Variants in SPIDR observed in about 807,000 individuals in gnomAD.
SPIDR encodes the protein scaffold protein involved in DNA repair, also known as DNA repair-scaffolding protein.
SPIDR carries 93 observed loss-of-function variants against 104.6 expected under a neutral mutation model. That is an observed-to-expected ratio of 0.89 (90% confidence interval 0.75 to 1.06). SPIDR has a LOEUF of 1.06. Ranked by LOEUF, SPIDR falls within the 50% of genes least tolerant of loss-of-function variation. The pLI is 0.00. For synonymous variants in SPIDR, 431 were observed against 416.9 expected, an observed-to-expected ratio of 1.03 and a Z score of -0.41; for missense variants, 1,154 against 1,111.2, an observed-to-expected ratio of 1.04 and a Z score of -0.55.
intron 5 of SPIDR, among the ~76,000 whole-genome samples, chr8:47,383,732 C>T: frequency 6.6e-6 from 1 of 152,188 alleles, no homozygotes; most frequent in South Asian, 2.1e-4. Flanking sequence ...TATACATCCA[C>T]CTGCAGGCAC....
intron 7 of SPIDR, among the ~76,000 whole-genome samples, chr8:47,425,973 G>A (rs2066342518): frequency 1.3e-5 from 2 of 151,992 alleles, no homozygotes; most frequent in Non-Finnish European, 1.5e-5. Context: ...GGCTGGGCAC[G>A]GTGACTCACG....
At chr8:47,348,661 C>T (rs145645901) in intron 5 of SPIDR, among the ~76,000 whole-genome samples, 1 of 152,126 alleles carries the variant, frequency 6.6e-6, no homozygotes, top group Non-Finnish European at 1.5e-5. Flanking sequence ...TTTCTTTTTA[C>T]TCTTTTTTCT....
At chr8:47,483,128 GTTTT>G (rs1351701761) in intron 8 of SPIDR, among the ~76,000 whole-genome samples, 1 of 142,944 alleles carries the variant, frequency 7.0e-6, no homozygotes, top group Non-Finnish European at 1.5e-5. Flanking sequence ...TAGCTACTTG[GTTTT>G]TTTTTGTTTG....
chr8:47,557,946 C>T (rs1399003714), intron 8 of SPIDR, among the ~76,000 whole-genome samples: 2 of 152,116 alleles, frequency 1.3e-5, no homozygotes, highest in East Asian at 1.9e-4. Context: ...AAATGTGGTA[C>T]ATACACACCA....
chr8:47,449,307 A>G (rs1394196345), intron 8 of SPIDR, among the ~76,000 whole-genome samples: 1 of 152,178 alleles, frequency 6.6e-6, no homozygotes, highest in Non-Finnish European at 1.5e-5. Flanking sequence ...GGCCCAGTCA[A>G]TGGTAGTTTT....
chr8:47,399,748 A>G (rs2061638438), intron 6 of SPIDR, among the ~76,000 whole-genome samples: 1 of 152,186 alleles, frequency 6.6e-6, no homozygotes, highest in South Asian at 2.1e-4. Flanking sequence ...AATAATAATG[A>G]CCCGTGAAGC....
rs1244866675 is a variant in SPIDR, at chr8:47,520,193, T to C, written c.1098-75618T>C. 2.6e-5 allele frequency among the ~76,000 whole-genome samples: 4 copies of C among 152,346 alleles called. No homozygotes were observed. The East Asian group carries it at 5.8e-4, about 22-fold the overall frequency. ...AGGAATTTTAGGGACACGCCTCTTG[T>C]AACACAGAGAGGCAAATATTTTATA... On this transcript the variant is annotated intron_variant, in intron 8 of 19. Coordinates refer to ENST00000297423, the MANE Select transcript of SPIDR (RefSeq NM_001080394.4).
chr8:47,332,994 C>G (rs1429955165), intron 5 of SPIDR, among the ~76,000 whole-genome samples: 1 of 150,262 alleles, frequency 6.7e-6, no homozygotes, highest in Non-Finnish European at 1.5e-5. Flanking sequence ...TGCAGAAGCT[C>G]TTTAGTTTAA....
chr8:47,660,436 A>G (rs2073921339), intron 10 of SPIDR: 1 of 985,416 alleles, frequency 1.0e-6, no homozygotes, highest in Non-Finnish European at 1.2e-6. Flanking sequence ...CTCTTCCAAC[A>G]TGGTCCAGGC....
intron 8 of SPIDR, among the ~76,000 whole-genome samples, chr8:47,456,282 A>G (rs530552015): frequency 1.3e-5 from 2 of 152,180 alleles, no homozygotes; most frequent in Non-Finnish European, 2.9e-5. Context: ...AGAAAGTGCC[A>G]TGTGGGGACA....
At chr8:47,344,380 T>C (rs2051428695) in intron 5 of SPIDR, among the ~76,000 whole-genome samples, 1 of 152,236 alleles carries the variant, frequency 6.6e-6, no homozygotes, top group South Asian at 2.1e-4. Context: ...GTTGGACATT[T>C]GGGTTGGTTC....
intron 2 of SPIDR, among the ~76,000 whole-genome samples, chr8:47,283,785 A>G (rs1554560860): frequency 6.6e-6 from 1 of 152,184 alleles, no homozygotes; most frequent in African/African-American, 2.4e-5. Context: ...ATGAGCAGAT[A>G]TTACACTGAA....
intron 8 of SPIDR, among the ~76,000 whole-genome samples, chr8:47,446,571 G>A (rs1355884795): frequency 6.6e-6 from 1 of 150,628 alleles, no homozygotes; most frequent in Non-Finnish European, 1.5e-5. Flanking sequence ...AACTGCCATA[G>A]ATAATGATTC....
At chr8:47,374,593 A>G (rs1020702674) in intron 5 of SPIDR, among the ~76,000 whole-genome samples, 4 of 152,194 alleles carry the variant, frequency 2.6e-5, no homozygotes, top group African/African-American at 9.7e-5. Context: ...AGAAGAGAAT[A>G]TCTTCCTGTT....
intron 5 of SPIDR, among the ~76,000 whole-genome samples, chr8:47,331,584 GGTGAGTCA>G (rs1389351455): frequency 3.3e-5 from 5 of 152,132 alleles, no homozygotes; most frequent in Non-Finnish European, 7.4e-5. Context: ...AGGTGCTCTG[GGTGAGTCA>G]GTGAGTGAGT....
chr8:47,696,946 C>T (rs1403853113), intron 11 of SPIDR, among the ~76,000 whole-genome samples: 5 of 152,166 alleles, frequency 3.3e-5, no homozygotes, highest in Non-Finnish European at 7.4e-5. Context: ...TTGGAGTGTG[C>T]AGGCTCAGCC....
intron 10 of SPIDR, chr8:47,673,557 A>G (rs1563500498): frequency 3.5e-6 from 2 of 571,410 alleles, no homozygotes; most frequent in East Asian, 3.9e-5. Flanking sequence ...AAACACCTGC[A>G]TGAACACATA....
chr8:47,418,890 C>T (rs575126605), intron 7 of SPIDR, among the ~76,000 whole-genome samples: 4 of 152,184 alleles, frequency 2.6e-5, no homozygotes, highest in Non-Finnish European at 4.4e-5. Flanking sequence ...TGGTTTTTGT[C>T]ATTGGTTTTG....
At chr8:47,546,859 G>T in intron 8 of SPIDR, 2 of 385,806 alleles carry the variant, frequency 5.2e-6, no homozygotes, top group South Asian at 2.2e-5. Flanking sequence ...CAATGGTGAG[G>T]CGTATACGTT....
Sources: gnomAD v4.1 joint callset for allele counts (sites outside exome capture counted in the v4.1 genomes callset) on GRCh38, gnomAD v4.1.1 for gene constraint, MANE v1.5 for transcripts, NCBI Gene and HGNC (gene_info 2026-07-23, HGNC 2026-07-21) for gene names.